The following SUMF1 variants were observed in gnomAD, a reference collection of about 807,000 sequenced individuals.
The protein encoded by SUMF1 is sulfatase modifying factor 1.
Under a neutral mutation model 47.6 loss-of-function variants are expected in SUMF1, and 48 were observed. The ratio of observed to expected loss-of-function variants is 1.01; its 90% CI spans 0.80 to 1.28. The LOEUF is 1.28. Ranked by LOEUF, SUMF1 falls within the 50% of genes most tolerant of loss-of-function variation. The pLI is 0.00. For missense variants in SUMF1, 571 were observed against 485.4 expected (o/e 1.18, Z -1.66); for synonymous variants, 230 against 192.1 (o/e 1.20, Z -1.63).
At chr3:4,269,759 C>G (rs1236070037) in intron 8 of SUMF1, among the ~76,000 whole-genome samples, 1 of 152,188 alleles carries the variant, frequency 6.6e-6, no homozygotes, top group Admixed American at 6.5e-5. Context: ...AATGGCACTT[C>G]CATTCAACTA....
intron 3 of SUMF1, among the ~76,000 whole-genome samples, chr3:4,444,963 G>A (rs143542415): frequency 5.9e-5 from 9 of 152,318 alleles, no homozygotes; most frequent in African/African-American, 2.2e-4. Flanking sequence ...ATGAAGCCAT[G>A]AAGCCATGAA....
At chr3:4,453,920 C>T (rs1380972750) in intron 1 of SUMF1, among the ~76,000 whole-genome samples, 3 of 152,120 alleles carry the variant, frequency 2.0e-5, no homozygotes, top group Non-Finnish European at 4.4e-5. Context: ...CCTCCCACCT[C>T]GGCCTTCCAA....
At chr3:4,201,291 A>G (rs1481181736) in intron 8 of SUMF1, among the ~76,000 whole-genome samples, 4 of 151,904 alleles carry the variant, frequency 2.6e-5, no homozygotes, top group Non-Finnish European at 4.4e-5. Flanking sequence ...ACCCCCACAC[A>G]CTACCCTTCC....
At chr3:4,299,758 C>G (rs1461602178) in intron 8 of SUMF1, among the ~76,000 whole-genome samples, 1 of 152,102 alleles carries the variant, frequency 6.6e-6, no homozygotes, top group Non-Finnish European at 1.5e-5. Context: ...TGCAGTGAGC[C>G]AGGATGGCGC....
chr3:4,360,298 G>C (rs1699718587), downstream of SUMF1, among the ~76,000 whole-genome samples: 1 of 146,980 alleles, frequency 6.8e-6, no homozygotes, highest in African/African-American at 2.6e-5. Flanking sequence ...CACAAATGTG[G>C]CTAAACGTGC....
chr3:4,292,041 C>T (rs1697752531), intron 8 of SUMF1, among the ~76,000 whole-genome samples: 1 of 152,036 alleles, frequency 6.6e-6, no homozygotes, highest in South Asian at 2.1e-4. Flanking sequence ...AAAAGTACAA[C>T]CAAAGATTGA....
chr3:4,296,304 G>C (rs1460699662), intron 8 of SUMF1, among the ~76,000 whole-genome samples: 1 of 88,876 alleles, frequency 1.1e-5, no homozygotes, highest in East Asian at 2.8e-4. Context: ...AGGCAAAATA[G>C]TTAAAAAAAA....
At chr3:4,336,870 T>G (rs562653958) in intron 8 of SUMF1, among the ~76,000 whole-genome samples, 1 of 152,350 alleles carries the variant, frequency 6.6e-6, no homozygotes, top group African/African-American at 2.4e-5. Context: ...AATTACTTGA[T>G]GTACTGAATA....
At chr3:4,163,199 C>G (rs148312514) in intron 8 of SUMF1, among the ~76,000 whole-genome samples, 1 of 151,630 alleles carries the variant, frequency 6.6e-6, no homozygotes, top group African/African-American at 2.4e-5. Context: ...CTAGGGTTTC[C>G]GGGTCACTGC....
chr3:4,097,329 T>C (rs1692927746), intron 8 of SUMF1, among the ~76,000 whole-genome samples: 1 of 152,034 alleles, frequency 6.6e-6, no homozygotes. Context: ...GGCAGGCAGA[T>C]CACGAATGAG....
intron 8 of SUMF1, among the ~76,000 whole-genome samples, chr3:4,355,107 TG>T (rs1424400779): frequency 6.6e-6 from 1 of 152,186 alleles, no homozygotes; most frequent in African/African-American, 2.4e-5. Context: ...CCCAGCATTT[TG>T]GGATGCTGAG....
intron 7 of SUMF1, among the ~76,000 whole-genome samples, chr3:4,405,701 T>A (rs958338192): frequency 2.0e-5 from 3 of 152,170 alleles, no homozygotes; most frequent in Non-Finnish European, 4.4e-5. Context: ...CCGAGGTCAA[T>A]TCCATACATC....
At chr3:4,160,550 T>A (rs1426818762) in intron 8 of SUMF1, among the ~76,000 whole-genome samples, 1 of 152,082 alleles carries the variant, frequency 6.6e-6, no homozygotes, top group Non-Finnish European at 1.5e-5. Flanking sequence ...TTTCAAATAC[T>A]CTCTCTTCAA....
In SUMF1 at chr3:4,089,070, G is replaced by A. The variant is rs111994023; in HGVS notation, c.1015-20325C>T. Among the ~76,000 whole-genome samples the A allele has an allele frequency of 1.2e-3, 181 of 152,026 alleles. 1 individual carries two copies. Among genetic ancestry groups the A allele is most frequent in the Non-Finnish European group, 2.0e-3 (136 of 68,012 alleles). On this transcript the variant is annotated intron_variant and NMD_transcript_variant, in intron 8 of 12. Transcript: ENST00000448413. ...TATACCCCTGTCACACAGTTCTATG[G>A]CCATGACCCACACTGTGGAAGCTGG...
chr3:4,221,284 T>G (rs751929111), intron 8 of SUMF1, among the ~76,000 whole-genome samples: 21 of 152,246 alleles, frequency 1.4e-4, no homozygotes, highest in Middle Eastern at 3.4e-3. Context: ...TTAGAGCTAG[T>G]TAGAGACATG....
At chr3:4,034,506 T>C (rs1432238128) in intron 9 of SUMF1, among the ~76,000 whole-genome samples, 1 of 152,164 alleles carries the variant, frequency 6.6e-6, no homozygotes, top group Non-Finnish European at 1.5e-5. Context: ...ATTACTTGTG[T>C]TGCCTGAAAG....
chr3:4,260,187 G>A lies in SUMF1; in HGVS notation c.1014+116143C>T, dbSNP rs530420517. On this transcript the variant is annotated intron_variant and NMD_transcript_variant, in intron 8 of 12. Transcript: ENST00000448413. ...TGAAGTCATAAAGGGAATAGAAGAG[G>A]GCCTGAATATGCAAATGCTCGCACA... Among the ~76,000 whole-genome samples the A allele has an allele frequency of 3.3e-5, 5 of 152,098 alleles. No individual in the cohort carries two copies. The South Asian group carries it at 1.0e-3, about 32-fold the overall frequency.
At chr3:4,144,134 T>A (rs1694140295) in intron 8 of SUMF1, among the ~76,000 whole-genome samples, 1 of 151,756 alleles carries the variant, frequency 6.6e-6, no homozygotes, top group African/African-American at 2.4e-5. Context: ...CCTGGCTAAT[T>A]TTTTTATTTT....
intron 8 of SUMF1, among the ~76,000 whole-genome samples, chr3:4,226,268 T>C (rs1317882570): frequency 1.1e-5 from 1 of 92,572 alleles, no homozygotes; most frequent in Non-Finnish European, 2.1e-5. Context: ...TTGTTTCTTT[T>C]TTTTTTTTTT....
Sources: gnomAD v4.1 joint callset for allele counts (sites outside exome capture counted in the v4.1 genomes callset) on GRCh38, gnomAD v4.1.1 for gene constraint, MANE v1.5 for transcripts, NCBI Gene and HGNC (gene_info 2026-07-23, HGNC 2026-07-21) for gene names.